The following RPA1 variants were observed in gnomAD, a reference collection of about 807,000 sequenced individuals.
RPA1 encodes the protein replication protein A1.
A neutral mutation model predicts 83.0 loss-of-function variants in RPA1; 49 were observed. The ratio of observed to expected loss-of-function variants is 0.59; its 90% CI spans 0.47 to 0.75. RPA1 has a LOEUF of 0.75. Among genes scored for constraint, RPA1 ranks in the 30% least tolerant of loss-of-function variants. RPA1 has a pLI of 0.00. For missense variants in RPA1, 693 were observed against 776.1 expected (o/e 0.89, Z 1.27); for synonymous variants, 279 against 281.8 (o/e 0.99, Z 0.10).
intron 6 of RPA1, among the ~76,000 whole-genome samples, chr17:1,873,802 G>A (rs1913467554): frequency 6.6e-6 from 1 of 151,472 alleles, no homozygotes; most frequent in East Asian, 1.9e-4. Context: ...TAGCTAGCCT[G>A]GCCAACATGG....
chr17:1,880,121 C>T (rs1362569056), intron 11 of RPA1, among the ~76,000 whole-genome samples: 2 of 150,652 alleles, frequency 1.3e-5, no homozygotes, highest in Non-Finnish European at 3.0e-5. Flanking sequence ...CTTCAGCACA[C>T]ACAGGAGGAG....
In RPA1 at chr17:1,884,029, T is replaced by C. The variant is rs1373853904; in HGVS notation, c.1374+85T>C. 15 of 1,568,806 alleles carry C rather than the reference T, an allele frequency of 9.6e-6. No homozygotes were observed. The highest frequency in any genetic ancestry group is 5.2e-5 in the Admixed American group (3 of 57,404). On this transcript the variant is annotated intron_variant, in intron 13 of 16. Coordinates refer to ENST00000254719, the MANE Select transcript of RPA1 (RefSeq NM_002945.5). This position sits in a 1 kb window ranked among gnomAD's most constrained non-coding sequence, Gnocchi z 4.1. ...TAGAAACTTGGTTTCCAGCACCAGC[T>C]GTCAGAGCCGTAATTCTTACCCGGG...
intron 5 of RPA1, among the ~76,000 whole-genome samples, chr17:1,866,736 C>T (rs1037966819): frequency 8.5e-5 from 13 of 152,186 alleles, no homozygotes; most frequent in African/African-American, 2.9e-4. Context: ...GCTGGGATTA[C>T]AGGCGGGGAC....
chr17:1,865,796 A>G (rs1281515313), intron 5 of RPA1, among the ~76,000 whole-genome samples: 1 of 152,116 alleles, frequency 6.6e-6, no homozygotes, highest in Non-Finnish European at 1.5e-5. Context: ...TCCTGCTTTT[A>G]CTTATTTATT....
At chr17:1,881,106 A>G (rs910417317) in intron 12 of RPA1, among the ~76,000 whole-genome samples, 3 of 152,194 alleles carry the variant, frequency 2.0e-5, no homozygotes, top group Non-Finnish European at 4.4e-5. Context: ...TGTATTCACT[A>G]GACTCTGATC....
At chr17:1,889,431 G>A (rs1472826527) in intron 14 of RPA1, among the ~76,000 whole-genome samples, 1 of 151,790 alleles carries the variant, frequency 6.6e-6, no homozygotes, top group Non-Finnish European at 1.5e-5. Flanking sequence ...AACCTCCCGG[G>A]CTTAAGCAGT....
At chr17:1,856,000 A>G (rs1435309070) in intron 5 of RPA1, among the ~76,000 whole-genome samples, 1 of 152,116 alleles carries the variant, frequency 6.6e-6, no homozygotes, top group Non-Finnish European at 1.5e-5. Flanking sequence ...TAAACACCCC[A>G]ATTATTAGAA....
In RPA1 at chr17:1,891,916, T is replaced by G; in HGVS notation, c.1635T>G (p.Ala545=). Residue 545 remains alanine (A), a synonymous_variant, in exon 15 of 17, where the codon GCT becomes GCG. Coordinates refer to ENST00000254719, the MANE Select transcript of RPA1 (RefSeq NM_002945.5). ...SAEAILGQNA[A]YLGELKDKNE... is the part of the protein sequence containing the mutation. ...AAGCTATCCTTGGACAAAATGCTGC[T>G]TATCTTGGGGAATTAAAAGACAAGG... The G allele has an allele frequency of 1.9e-6, 3 of 1,607,292 alleles. No homozygotes were observed. In the South Asian group the frequency reaches 3.3e-5, roughly 18 times the overall value.
chr17:1,889,168 T>G (rs557919899), intron 14 of RPA1, among the ~76,000 whole-genome samples: 1 of 152,308 alleles, frequency 6.6e-6, no homozygotes, highest in South Asian at 2.1e-4. Context: ...AATGCCCGTA[T>G]TTAGTCACTT....
rs145594255 is a variant in RPA1 at position 1,879,217 on chromosome 17, G to A, written c.762G>A (p.Val254=). 1 of 1,613,460 alleles carries A rather than the reference G, an allele frequency of 6.2e-7. No homozygotes were observed. Among genetic ancestry groups the A allele is most frequent in the African/African-American group, 1.3e-5 (1 of 74,918 alleles). Residue 254 remains valine (V), a splice_region_variant and synonymous_variant, in exon 10 of 17, where the codon GTG becomes GTA. Coordinates refer to ENST00000254719, the MANE Select transcript of RPA1 (RefSeq NM_002945.5). The stretch of plus-strand genomic sequence containing the variant: ...CTGTGGCTTGGCCTCCTTCGCAGGT[G>A]TATTATTTCTCGAAAGGCACCCTGA... ...KFFPLIEVNK[V]YYFSKGTLKI...
chr17:1,893,860 C>CT (rs950190476), intron 15 of RPA1, among the ~76,000 whole-genome samples: 2 of 151,622 alleles, frequency 1.3e-5, no homozygotes, highest in Non-Finnish European at 2.9e-5. Flanking sequence ...AGTGTTTTTC[C>CT]TTTTTTTCTT....
chr17:1,837,799 T>C (rs1311361694), intron 1 of RPA1, among the ~76,000 whole-genome samples: 1 of 152,246 alleles, frequency 6.6e-6, no homozygotes, highest in East Asian at 1.9e-4. Context: ...TTGTGAGAAT[T>C]CTTGATTCTT....
chr17:1,852,407 A>G (rs1276192251), intron 4 of RPA1, among the ~76,000 whole-genome samples: 2 of 152,262 alleles, frequency 1.3e-5, no homozygotes, highest in Non-Finnish European at 2.9e-5. Context: ...ACGAGAGCTA[A>G]AAAATGAGTA....
chr17:1,861,361 C>T (rs963837609), intron 5 of RPA1, among the ~76,000 whole-genome samples: 5 of 152,294 alleles, frequency 3.3e-5, no homozygotes, highest in South Asian at 2.1e-4. Context: ...GCACAGCAGG[C>T]GCTACCCCTC....
At chr17:1,888,146 C>T (rs1914063157) in intron 13 of RPA1, among the ~76,000 whole-genome samples, 1 of 152,192 alleles carries the variant, frequency 6.6e-6, no homozygotes, top group Non-Finnish European at 1.5e-5. Context: ...GAAATATTTA[C>T]TGTTTGGCTT....
At chr17:1,837,058 G>A (rs1367753116) in intron 1 of RPA1, among the ~76,000 whole-genome samples, 2 of 151,702 alleles carry the variant, frequency 1.3e-5, no homozygotes, top group East Asian at 1.9e-4. Flanking sequence ...GGATGGTCTC[G>A]ATCTCTTGAC....
chr17:1,838,285 C>T (rs1292269193), intron 1 of RPA1, among the ~76,000 whole-genome samples: 4 of 149,822 alleles, frequency 2.7e-5, no homozygotes, highest in Admixed American at 6.7e-5. Context: ...AGCAAAACTC[C>T]GTCTCAAAAA....
In RPA1 at chr17:1,849,383, C is replaced by T. The variant is rs377695524; in HGVS notation, c.273-3718C>T. On this transcript the variant is annotated intron_variant, in intron 4 of 16. Transcript: ENST00000254719. Reference sequence around the variant, plus strand: ...TCTCGGCTCACTGCAAGCTCCGCCTCCCGGGTTCACGCCATTCTCCTGCCT... The same window carrying T: ...TCTCGGCTCACTGCAAGCTCCGCCTTCCGGGTTCACGCCATTCTCCTGCCT... 9.5e-3 allele frequency among the ~76,000 whole-genome samples: 1,437 copies of T among 150,766 alleles called. 32 individuals carry two copies. Among genetic ancestry groups the T allele is most frequent in the African/African-American group, 0.033 (1,345 of 41,070 alleles).
At chr17:1,838,619 A>G (rs978040029) in intron 1 of RPA1, among the ~76,000 whole-genome samples, 11 of 151,962 alleles carry the variant, frequency 7.2e-5, no homozygotes, top group Admixed American at 2.0e-4. Flanking sequence ...AAAAAAAAAA[A>G]AAGAAATCTT....
Sources: gnomAD v4.1 joint callset for allele counts (sites outside exome capture counted in the v4.1 genomes callset) on GRCh38, gnomAD v4.1.1 for gene constraint, Gnocchi (gnomAD v3.1) non-coding constraint, MANE v1.5 for transcripts, NCBI Gene and HGNC (gene_info 2026-07-23, HGNC 2026-07-21) for gene names.